Variants in ZC3HAV1 observed in about 807,000 individuals in gnomAD.
ZC3HAV1 encodes zinc finger CCCH-type containing, antiviral 1.
ZC3HAV1 carries 41 observed loss-of-function variants against 86.6 expected under a neutral mutation model. That is an observed-to-expected ratio of 0.47 (90% CI 0.37 to 0.61). ZC3HAV1 has a LOEUF of 0.61. Ranked by LOEUF, ZC3HAV1 falls within the 20% of genes least tolerant of loss-of-function variation. The probability of loss-of-function intolerance (pLI) is 0.00; values close to 1 mark genes in which losing one functional copy is unlikely to be tolerated. For missense variants in ZC3HAV1, 964 were observed against 1,141.1 expected, an observed-to-expected ratio of 0.84 and a Z score of 2.24; for synonymous variants, 421 against 432.1, an observed-to-expected ratio of 0.97 and a Z score of 0.32.
In ZC3HAV1 at chr7:139,074,437, A is replaced by T. The variant is rs1816874840; in HGVS notation, c.1698-407T>A. ...GCAAGGTTAAAGTGATTTTCATAAT[A>T]ACATTAAACATTATTTGCTTTTTTC... On this transcript the variant is annotated intron_variant, in intron 6 of 12. Coordinates refer to ENST00000242351, the MANE Select transcript of ZC3HAV1 (RefSeq NM_020119.4). Among the ~76,000 whole-genome samples, 6 of 152,354 alleles carry T rather than the reference A, an allele frequency of 3.9e-5. No homozygotes were observed. The South Asian group carries it at 1.2e-3, about 32-fold the overall frequency.
Position 139,043,777 on chromosome 7 carries a change from CA to C in ZC3HAV1, c.*3816del, listed in dbSNP as rs1815882657. The C allele has an allele frequency of 6.6e-6, 1 of 152,114 alleles. No homozygotes were observed. The highest frequency in any genetic ancestry group is 1.5e-5 in the Non-Finnish European group (1 of 68,030). The allele number at this position is 152,114 out of a possible 1,614,324, so 9.4% of individuals were successfully genotyped here. On this transcript the variant is annotated 3_prime_UTR_variant, in exon 13 of 13. Transcript: ENST00000242351. ...AGTTTGGATACATAATACAAATTAT[CA>C]AAGCAAGGCGCAAAGTATTTTAAAA...
chr7:139,094,980 CTTTTT>C (rs367844812), intron 1 of ZC3HAV1, among the ~76,000 whole-genome samples: 2 of 136,146 alleles, frequency 1.5e-5, no homozygotes, highest in African/African-American at 5.4e-5. Context: ...TAACCCGAGT[CTTTTT>C]TTTTTTTTTT....
At chr7:139,101,472 AG>A in intron 1 of ZC3HAV1, among the ~76,000 whole-genome samples, 1 of 112,612 alleles carries the variant, frequency 8.9e-6, no homozygotes, top group African/African-American at 3.5e-5. Flanking sequence ...CTGGGATGTG[AG>A]GAGCGCCTCA....
At chr7:139,090,626 T>C (rs556013518) in intron 1 of ZC3HAV1, among the ~76,000 whole-genome samples, 1 of 152,322 alleles carries the variant, frequency 6.6e-6, no homozygotes, top group African/African-American at 2.4e-5. Flanking sequence ...TTCCAAAATA[T>C]TGAATATTAT....
At chr7:139,060,767 A>C in intron 9 of ZC3HAV1, 5 of 1,311,940 alleles carry the variant, frequency 3.8e-6, no homozygotes, top group Non-Finnish European at 4.9e-6. Flanking sequence ...AGCTCTTCAC[A>C]GCTGGAGAAG....
At chr7:139,056,055 C>T (rs1432000899) in intron 9 of ZC3HAV1, among the ~76,000 whole-genome samples, 1 of 152,178 alleles carries the variant, frequency 6.6e-6, no homozygotes, top group African/African-American at 2.4e-5. Flanking sequence ...AATTGTATAG[C>T]ATACTTGACT....
chr7:139,059,354 T>A (rs10272189), intron 9 of ZC3HAV1, among the ~76,000 whole-genome samples: 1 of 152,052 alleles, frequency 6.6e-6, no homozygotes, highest in Admixed American at 6.6e-5. Flanking sequence ...CAGTGGCTCA[T>A]GCCTGTCATC....
intron 3 of ZC3HAV1, 127 bp from the exon 4 acceptor site, chr7:139,080,370 G>T (rs1430925080): frequency 4.3e-6 from 5 of 1,168,466 alleles, no homozygotes; most frequent in Admixed American, 2.2e-5. Context: ...AAATTACTTG[G>T]CGTAATCTGA....
intron 11 of ZC3HAV1, among the ~76,000 whole-genome samples, 178 bp from the exon 12 acceptor site, chr7:139,053,759 A>G (rs1421193358): frequency 2.0e-5 from 3 of 152,062 alleles, no homozygotes; most frequent in Non-Finnish European, 4.4e-5. Flanking sequence ...CTTTTAAAAG[A>G]TAGACACATG....
In ZC3HAV1 at chr7:139,045,068, T is replaced by C. The variant is rs965632279; in HGVS notation, c.*2526A>G. On this transcript the variant is annotated 3_prime_UTR_variant, in exon 13 of 13. Coordinates refer to ENST00000242351, the MANE Select transcript of ZC3HAV1 (RefSeq NM_020119.4). ...CTGACTACTTCATTAGGTCTTCAGT[T>C]ACAGCTGTGCCCAAGTTAGGTACCT... 6.6e-6 allele frequency: 1 copy of C among 152,230 alleles called. No homozygotes were observed. The highest frequency in any genetic ancestry group is 1.5e-5 in the Non-Finnish European group (1 of 68,040). The allele number at this position is 152,230 out of a possible 1,614,324, so 9.4% of individuals were successfully genotyped here.
chr7:139,070,854 T>A (rs544444413), intron 7 of ZC3HAV1, among the ~76,000 whole-genome samples: 1 of 151,228 alleles, frequency 6.6e-6, no homozygotes, highest in East Asian at 2.0e-4. Flanking sequence ...TGGTGGTGGA[T>A]GCCTGTAATC....
At chr7:139,051,639 G>C (rs749565493) in intron 12 of ZC3HAV1, among the ~76,000 whole-genome samples, 2 of 152,064 alleles carry the variant, frequency 1.3e-5, no homozygotes, top group Non-Finnish European at 2.9e-5. Flanking sequence ...GCCCAAGCTG[G>C]TCTCCAACTC....
At chr7:139,048,638 CTG>C (rs1816031292) in intron 12 of ZC3HAV1, among the ~76,000 whole-genome samples, 1 of 152,172 alleles carries the variant, frequency 6.6e-6, no homozygotes, top group Non-Finnish European at 1.5e-5. Flanking sequence ...GAAAGCTACT[CTG>C]TCGTTTTAAA....
Position 139,047,362 on chromosome 7 carries a change from T to C in ZC3HAV1, c.*232A>G, listed in dbSNP as rs1263439139. 1 of 489,554 alleles carries C rather than the reference T, an allele frequency of 2.0e-6. No homozygotes were observed. The highest frequency in any genetic ancestry group is 3.5e-6 in the Non-Finnish European group (1 of 283,548). 30.3% of individuals were successfully genotyped at this position (489,554 alleles called of 1,614,324 possible). ...AAAAAAAAAAAAAAATACAACTGCCTGGCGCTGACGCCCAGAAATGATTTC... is the reference window on the plus strand; with the variant it reads ...AAAAAAAAAAAAAAATACAACTGCCCGGCGCTGACGCCCAGAAATGATTTC... On this transcript the variant is annotated 3_prime_UTR_variant, in exon 13 of 13. Coordinates refer to ENST00000242351, the MANE Select transcript of ZC3HAV1 (RefSeq NM_020119.4).
At chr7:139,097,418 A>ATTTTTTTTTTT (rs1563140611) in intron 1 of ZC3HAV1, among the ~76,000 whole-genome samples, 1 of 78,458 alleles carries the variant, frequency 1.3e-5, no homozygotes, top group African/African-American at 7.7e-5. Context: ...ATATATATAT[A>ATTTTTTTTTTT]TATATATATA....
chr7:139,102,972 ATG>A lies in ZC3HAV1; in HGVS notation c.308+6050_308+6051del, dbSNP rs146316959. ...TATGTATATGTATATGTATATGTAT[ATG>A]TGTGTGTGTGTTTATATATGATATA... On this transcript the variant is annotated intron_variant, in intron 1 of 12. Coordinates refer to ENST00000242351, the MANE Select transcript of ZC3HAV1 (RefSeq NM_020119.4). 1.5e-4 allele frequency among the ~76,000 whole-genome samples: 13 copies of A among 87,988 alleles called. No individual in the cohort carries two copies. In the East Asian group the frequency reaches 3.4e-3, roughly 23 times the overall value. The allele number at this position is 87,988 out of a possible 152,430, so 57.7% of individuals were successfully genotyped here.
chr7:139,056,002 A>G (rs1237131063), intron 9 of ZC3HAV1, among the ~76,000 whole-genome samples: 1 of 152,254 alleles, frequency 6.6e-6, no homozygotes, highest in African/African-American at 2.4e-5. Flanking sequence ...GACACTGTAT[A>G]TCTCTTCATA....
At chr7:139,061,009 A>G (rs780371029) in intron 9 of ZC3HAV1, 27 bp downstream of exon 9, 1 of 1,613,032 alleles carries the variant, frequency 6.2e-7, no homozygotes, top group Non-Finnish European at 8.5e-7. Context: ...AGCATCTGTC[A>G]GCAAACAGCT....
chr7:139,056,887 G>A (rs573036052), intron 9 of ZC3HAV1, among the ~76,000 whole-genome samples: 84 of 152,242 alleles, frequency 5.5e-4, no homozygotes, highest in African/African-American at 1.9e-3. Context: ...AACATAAAAC[G>A]TGAACTGGGT....
Sources: allele counts gnomAD v4.1 joint callset (sites outside exome capture counted in the v4.1 genomes callset), GRCh38; gene constraint gnomAD v4.1.1; transcripts MANE v1.5; gene names NCBI Gene and HGNC (gene_info 2026-07-23, HGNC 2026-07-21).